Variants in PPP2R2B observed in about 807,000 individuals in gnomAD.
The protein encoded by PPP2R2B is protein phosphatase 2 regulatory subunit Bbeta, also known as serine/threonine-protein phosphatase 2A 55 kDa regulatory subunit B beta isoform.
PPP2R2B carries 5 observed loss-of-function variants against 46.0 expected under a neutral mutation model. That is an observed-to-expected ratio of 0.11 (90% confidence interval 0.06 to 0.23). PPP2R2B has a LOEUF of 0.23. PPP2R2B is among the 10% of genes least tolerant of loss of function. The pLI, the probability that PPP2R2B is intolerant of heterozygous loss-of-function variation, is 1.00. For synonymous variants in PPP2R2B, 215 were observed against 206.7 expected (o/e 1.04, Z -0.34); for missense variants, 367 against 575.0 (o/e 0.64, Z 3.70).
chr5:146,891,045 T>C (rs1295037939), intron 1 of PPP2R2B, among the ~76,000 whole-genome samples: 4 of 152,218 alleles, frequency 2.6e-5, no homozygotes, highest in Admixed American at 6.5e-5. Context: ...AGTGCTATCA[T>C]GTCCCCAGCA....
At chr5:146,646,609 G>A (rs1291227589) in intron 6 of PPP2R2B, among the ~76,000 whole-genome samples, 1 of 152,140 alleles carries the variant, frequency 6.6e-6, no homozygotes, top group Non-Finnish European at 1.5e-5. Context: ...CTAGACCTCA[G>A]AGTTCCTGAA....
intron 2 of PPP2R2B, among the ~76,000 whole-genome samples, chr5:146,766,178 C>T (rs1355847435): frequency 6.6e-6 from 1 of 152,106 alleles, no homozygotes; most frequent in East Asian, 1.9e-4. Flanking sequence ...ACTTTAACAG[C>T]TCATGAAAAG....
rs116062496 is a variant in PPP2R2B at position 146,734,107 on chromosome 5, G to C, written c.71-32965C>G. 9.2e-3 allele frequency among the ~76,000 whole-genome samples: 1,388 copies of C among 151,378 alleles called. 30 individuals carry two copies. The highest frequency in any genetic ancestry group is 0.032 in the African/African-American group (1,327 of 41,236). ...TTTTACTCTGTTGCTGAGGCTGGAGGGCAGTGGCATGATCACAGCTCACTG... is the reference window on the plus strand; with the variant it reads ...TTTTACTCTGTTGCTGAGGCTGGAGCGCAGTGGCATGATCACAGCTCACTG... On this transcript the variant is annotated intron_variant, in intron 2 of 9. Transcript: ENST00000394411.
intron 1 of PPP2R2B, among the ~76,000 whole-genome samples, chr5:146,981,372 A>G (rs1753170657): frequency 6.6e-6 from 1 of 152,056 alleles, no homozygotes. Context: ...AGTCCTATAT[A>G]ATGAGTTATT....
intron 1 of PPP2R2B, among the ~76,000 whole-genome samples, chr5:146,976,108 T>TTTATTATTATTATTATTATTATAATTA (rs1752890777): frequency 7.7e-6 from 1 of 130,698 alleles, no homozygotes; most frequent in African/African-American, 2.7e-5. Context: ...TTTTAAAAAA[T>TTTATTATTATTATTATTATTATAATTA]TTATTATTAT....
chr5:146,946,304 C>G (rs1764481109), intron 1 of PPP2R2B, among the ~76,000 whole-genome samples: 1 of 152,040 alleles, frequency 6.6e-6, no homozygotes, highest in South Asian at 2.1e-4. Flanking sequence ...CTGTCTTCCC[C>G]CTGTCCCCCC....
At chr5:146,725,050 TC>T (rs1751773780) in intron 2 of PPP2R2B, among the ~76,000 whole-genome samples, 1 of 136,728 alleles carries the variant, frequency 7.3e-6, no homozygotes, top group African/African-American at 3.7e-5. Context: ...ATTAATGCGA[TC>T]AATAATTCAT....
intron 2 of PPP2R2B, among the ~76,000 whole-genome samples, chr5:146,828,170 T>G (rs1758698100): frequency 6.6e-6 from 1 of 152,134 alleles, no homozygotes; most frequent in Non-Finnish European, 1.5e-5. Flanking sequence ...CCATCCATAA[T>G]GCACATTCTC....
chr5:146,844,566 G>A (rs1248294278), intron 2 of PPP2R2B, among the ~76,000 whole-genome samples: 1 of 152,118 alleles, frequency 6.6e-6, no homozygotes, highest in African/African-American at 2.4e-5. Flanking sequence ...AGAAACCACA[G>A]ATAGGGCAGA....
intron 5 of PPP2R2B, among the ~76,000 whole-genome samples, chr5:146,676,747 T>G (rs192568495): frequency 2.0e-5 from 3 of 152,326 alleles, no homozygotes; most frequent in East Asian, 3.9e-4. Flanking sequence ...ATATCTTTCA[T>G]GTTCACTTCT....
intron 1 of PPP2R2B, among the ~76,000 whole-genome samples, chr5:146,887,358 G>A (rs933541965): frequency 6.6e-6 from 1 of 152,064 alleles, no homozygotes; most frequent in Admixed American, 6.5e-5. Flanking sequence ...GAGTTTTAAT[G>A]TGTTCTTTAA....
intron 2 of PPP2R2B, among the ~76,000 whole-genome samples, chr5:146,824,164 C>T (rs1561936448): frequency 6.6e-6 from 1 of 152,180 alleles, no homozygotes; most frequent in African/African-American, 2.4e-5. Context: ...CTGATGGCAA[C>T]ATAATTTACT....
At chr5:146,665,910 C>T (rs747376247) in intron 5 of PPP2R2B, among the ~76,000 whole-genome samples, 2 of 152,098 alleles carry the variant, frequency 1.3e-5, no homozygotes, top group Admixed American at 6.6e-5. Context: ...ACATGCTGCT[C>T]GAAAAATGGT....
chr5:146,622,460 T>C (rs1033108210), intron 7 of PPP2R2B, among the ~76,000 whole-genome samples: 3 of 152,182 alleles, frequency 2.0e-5, no homozygotes, highest in African/African-American at 4.8e-5. Flanking sequence ...GAACCAGCAC[T>C]ATTGACCACT....
chr5:146,672,728 GT>G (rs1331540000), intron 5 of PPP2R2B, among the ~76,000 whole-genome samples: 1 of 152,168 alleles, frequency 6.6e-6, no homozygotes, highest in East Asian at 1.9e-4. Context: ...ATATGCAGCT[GT>G]TCTATTTGAG....
At chr5:146,938,068 T>A (rs1033807632) in intron 1 of PPP2R2B, among the ~76,000 whole-genome samples, 1 of 152,052 alleles carries the variant, frequency 6.6e-6, no homozygotes, top group Non-Finnish European at 1.5e-5. Context: ...AAGGAAAAAT[T>A]TTACTGGGCC....
chr5:146,745,156 A>AAGAGAGAGAG (rs1753097763), intron 2 of PPP2R2B, among the ~76,000 whole-genome samples: 2 of 106,056 alleles, frequency 1.9e-5, no homozygotes, highest in African/African-American at 3.7e-5. Context: ...CGTGCAGAGA[A>AAGAGAGAGAG]AGACAGAGAG....
intron 1 of PPP2R2B, among the ~76,000 whole-genome samples, chr5:146,907,745 C>A (rs1184807644): frequency 2.0e-5 from 3 of 152,216 alleles, no homozygotes; most frequent in Non-Finnish European, 2.9e-5. Flanking sequence ...TTTTCTACTG[C>A]TTTGAAATCC....
chr5:146,676,844 A>C (rs1777755412), intron 5 of PPP2R2B, among the ~76,000 whole-genome samples: 1 of 152,218 alleles, frequency 6.6e-6, no homozygotes, highest in African/African-American at 2.4e-5. Flanking sequence ...GCATAGCAAG[A>C]AACCGAGGTG....
Sources: gnomAD v4.1 joint callset for allele counts (sites outside exome capture counted in the v4.1 genomes callset) on GRCh38, gnomAD v4.1.1 for gene constraint, MANE v1.5 for transcripts, NCBI Gene and HGNC (gene_info 2026-07-23, HGNC 2026-07-21) for gene names.